ARHGAP5: variants seen among roughly 807,000 people sequenced by gnomAD.
ARHGAP5 encodes the protein rho GTPase-activating protein 5.
In ARHGAP5, 23 loss-of-function variants were observed where a neutral mutation model predicts 116.6. That is an observed-to-expected ratio of 0.20 (90% confidence interval 0.14 to 0.28). The LOEUF (loss-of-function observed/expected upper bound fraction) is 0.28. ARHGAP5 is among the 10% of genes least tolerant of loss of function. ARHGAP5 has a pLI of 1.00. For missense variants in ARHGAP5, 1,405 were observed against 1,774.8 expected, an observed-to-expected ratio of 0.79 and a Z score of 3.74; for synonymous variants, 574 against 602.0, an observed-to-expected ratio of 0.95 and a Z score of 0.68.
At chr14:32,123,443 T>C (rs866730654) in intron 3 of ARHGAP5, among the ~76,000 whole-genome samples, 7 of 152,194 alleles carry the variant, frequency 4.6e-5, no homozygotes, top group Middle Eastern at 3.4e-3. Context: ...ATTATATTGA[T>C]GTTTTCCTGT....
chr14:32,115,806 C>T (rs1594365943), intron 2 of ARHGAP5, among the ~76,000 whole-genome samples: 1 of 78,952 alleles, frequency 1.3e-5, no homozygotes, highest in East Asian at 3.4e-4. Context: ...CCCATCTCTA[C>T]TAAAAATACA....
intron 5 of ARHGAP5, among the ~76,000 whole-genome samples, chr14:32,150,817 T>G (rs190039216): frequency 1.4e-4 from 21 of 152,318 alleles, no homozygotes; most frequent in African/African-American, 4.3e-4. Context: ...AAGAACATGA[T>G]ATTTATTTAG....
intron 3 of ARHGAP5, among the ~76,000 whole-genome samples, chr14:32,136,839 T>C (rs757283773): frequency 2.0e-5 from 3 of 152,338 alleles, no homozygotes; most frequent in Non-Finnish European, 4.4e-5. Flanking sequence ...TCCCGTTGAC[T>C]AATGATGTTG....
chr14:32,111,465 G>C (rs1388178880), intron 2 of ARHGAP5, among the ~76,000 whole-genome samples: 1 of 152,136 alleles, frequency 6.6e-6, no homozygotes. Flanking sequence ...AACAGTCTTT[G>C]GTGACCTTAA....
intron 2 of ARHGAP5, among the ~76,000 whole-genome samples, chr14:32,116,646 A>T (rs1879614540): frequency 6.6e-6 from 1 of 152,142 alleles, no homozygotes; most frequent in African/African-American, 2.4e-5. Flanking sequence ...GCAGGAAGAA[A>T]ATGGAAAAAT....
intron 3 of ARHGAP5, among the ~76,000 whole-genome samples, chr14:32,130,525 C>CATTGATTG (rs112501644): frequency 2.5e-4 from 37 of 148,112 alleles, no homozygotes; most frequent in African/African-American, 7.5e-4. Flanking sequence ...CCCAACCTGG[C>CATTGATTG]ATTGATTGAT....
chr14:32,139,585 GTCTTC>G (rs781421801), intron 3 of ARHGAP5, among the ~76,000 whole-genome samples: 2 of 151,878 alleles, frequency 1.3e-5, no homozygotes, highest in African/African-American at 2.4e-5. Context: ...AGTAATTGGA[GTCTTC>G]TCTTTTTTTT....
At chr14:32,134,210 AT>A (rs561476142) in intron 3 of ARHGAP5, among the ~76,000 whole-genome samples, 73 of 152,144 alleles carry the variant, frequency 4.8e-4, no homozygotes, top group African/African-American at 1.6e-3. Flanking sequence ...CATGTCATGA[AT>A]TTTTTCATGA....
Position 32,112,592 on chromosome 14 carries a change from G to T in ARHGAP5, c.3718-4548G>T, listed in dbSNP as rs187847788. Among the ~76,000 whole-genome samples, 3 of 152,344 alleles carry T rather than the reference G, an allele frequency of 2.0e-5. No homozygotes were observed. In the East Asian group the frequency reaches 5.8e-4, roughly 29 times the overall value. ...TAATGAATCAAAAATTGGATTTTCG[G>T]TAGGGCGCGGTGGCTCACGCCTATA... On this transcript the variant is annotated intron_variant, in intron 2 of 6. Transcript: ENST00000345122.
chr14:32,104,136 T>C (rs1017786377), intron 2 of ARHGAP5, among the ~76,000 whole-genome samples: 8 of 152,144 alleles, frequency 5.3e-5, no homozygotes, highest in Non-Finnish European at 1.0e-4. Context: ...AAACTCCTTG[T>C]ATAAGATGAG....
intron 6 of ARHGAP5, 37 bp downstream of exon 6, chr14:32,152,565 A>G: frequency 1.7e-6 from 2 of 1,144,428 alleles, no homozygotes; most frequent in Non-Finnish European, 2.5e-6. Flanking sequence ...GGCAAATAAA[A>G]TGCACTACAC....
chr14:32,094,063 G>A lies in ARHGAP5; in HGVS notation c.3394G>A (p.Asp1132Asn). Residue 1132 changes from aspartate (D) to asparagine (N), a missense_variant, in exon 2 of 7, where the codon GAT (aspartate) becomes AAT (asparagine). Coordinates refer to ENST00000345122, the MANE Select transcript of ARHGAP5 (RefSeq NM_001030055.2). ...CTCATTTGTAAATAACACCCAAGGAGATGAAGAAAATGGGTTTTCTGATAG... is the reference window on the plus strand; with the variant it reads ...CTCATTTGTAAATAACACCCAAGGAAATGAAGAAAATGGGTTTTCTGATAG... ...RNSFVNNTQG[D>N]EENGFSDRTS... 1 of 1,614,060 alleles carries A rather than the reference G, an allele frequency of 6.2e-7. No homozygotes were observed. The highest frequency in any genetic ancestry group is 8.5e-7 in the Non-Finnish European group (1 of 1,179,982).
chr14:32,082,289 A>G (rs948832073), intron 1 of ARHGAP5, among the ~76,000 whole-genome samples: 1 of 152,178 alleles, frequency 6.6e-6, no homozygotes, highest in South Asian at 2.1e-4. Context: ...TATTACACCA[A>G]ATGGTCTCAT....
At chr14:32,149,017 T>G (rs1341277368) in intron 4 of ARHGAP5, among the ~76,000 whole-genome samples, 1 of 152,176 alleles carries the variant, frequency 6.6e-6, no homozygotes, top group Non-Finnish European at 1.5e-5. Flanking sequence ...TATTCAAAAT[T>G]CTTGGGGCCC....
rs1050835488 is a variant in ARHGAP5, at chr14:32,093,917, A to C, written c.3248A>C (p.Glu1083Ala). ...QTSRVPLAHP[E>A]DMDPSDNYAE... ...TCCCGGGTGCCTTTGGCACATCCTG[A>C]AGATATGGATCCTTCAGATAACTAT... Residue 1083 changes from glutamate (E) to alanine (A), a missense_variant, in exon 2 of 7, where the codon GAA becomes GCA. Physicochemically the swap from Glu to Ala is moderately radical, Grantham distance 107. This residue lies in a region of ARHGAP5 where 944 missense variants were observed against 1,095.3 expected (regional missense o/e 0.86). Coordinates refer to ENST00000345122, the MANE Select transcript of ARHGAP5 (RefSeq NM_001030055.2). 1.2e-6 allele frequency: 2 copies of C among 1,614,024 alleles called. No homozygotes were observed. Among genetic ancestry groups the C allele is most frequent in the African/African-American group, 2.7e-5 (2 of 74,942 alleles).
At chr14:32,120,612 T>C (rs2139077941) in intron 3 of ARHGAP5, among the ~76,000 whole-genome samples, 1 of 151,992 alleles carries the variant, frequency 6.6e-6, no homozygotes, top group Admixed American at 6.5e-5. Context: ...ATTTCCTTTT[T>C]TTTTTTTTTA....
Position 32,155,172 on chromosome 14 carries a change from A to G in ARHGAP5, c.*224A>G, listed in dbSNP as rs557101652. On this transcript the variant is annotated 3_prime_UTR_variant, in exon 7 of 7. Coordinates refer to ENST00000345122, the MANE Select transcript of ARHGAP5 (RefSeq NM_001030055.2). ...TTAATTTTTATAAACAAAAATAGCTATAAAGTACAAAGCTGCTGCTGCATG... is the reference window on the plus strand; with the variant it reads ...TTAATTTTTATAAACAAAAATAGCTGTAAAGTACAAAGCTGCTGCTGCATG... 9 of 494,068 alleles carry G rather than the reference A, an allele frequency of 1.8e-5. No individual in the cohort carries two copies. The highest frequency in any genetic ancestry group is 2.9e-5 in the Non-Finnish European group (8 of 280,110). The allele number at this position is 494,068 out of a possible 1,614,324, so 30.6% of individuals were successfully genotyped here.
At chr14:32,112,502 C>T (rs559354334) in intron 2 of ARHGAP5, among the ~76,000 whole-genome samples, 4 of 152,160 alleles carry the variant, frequency 2.6e-5, no homozygotes, top group East Asian at 3.9e-4. Context: ...AAGAAATTCA[C>T]TTAAGTGGCT....
intron 2 of ARHGAP5, among the ~76,000 whole-genome samples, chr14:32,102,131 AC>A (rs1412413455): frequency 1.3e-5 from 2 of 152,204 alleles, no homozygotes; most frequent in African/African-American, 4.8e-5. Context: ...TATTTTCTGT[AC>A]CTTGCTTAAT....
Sources: gnomAD v4.1 joint callset for allele counts (sites outside exome capture counted in the v4.1 genomes callset) on GRCh38, gnomAD v4.1.1 for gene constraint, gnomAD v4.1.1 regional missense constraint, MANE v1.5 for transcripts, NCBI Gene and HGNC (gene_info 2026-07-23, HGNC 2026-07-21) for gene names.